REXO2: variants seen among roughly 807,000 people sequenced by gnomAD.
REXO2 encodes the protein RNA exonuclease 2.
Under a neutral mutation model 30.9 loss-of-function variants are expected in REXO2, and 17 were observed. The observed-to-expected ratio is 0.55, with a 90% confidence interval of 0.38 to 0.82. The LOEUF (loss-of-function observed/expected upper bound fraction) is 0.82, where lower values mean the gene tolerates loss of function less well. Ranked by LOEUF, REXO2 falls within the 40% of genes least tolerant of loss-of-function variation. REXO2 has a pLI of 0.00. For synonymous variants in REXO2, 105 were observed against 99.6 expected (o/e 1.05, Z -0.32); for missense variants, 253 against 293.2 (o/e 0.86, Z 1.00).
Position 114,449,809 on chromosome 11 carries a change from T to TAA in REXO2, c.585-37_585-36insAA, listed in dbSNP as rs780402329. ...TTAAAATGATTTTCATCTCCTGGTTTTGGACAGTTCATTCATTGTGGTATG... is the reference window on the plus strand; with the variant it reads ...TTAAAATGATTTTCATCTCCTGGTTTAATGGACAGTTCATTCATTGTGGTATG... On this transcript the variant is annotated intron_variant, in intron 6 of 6. Transcript: ENST00000265881. 82 of 1,581,172 alleles carry TAA rather than the reference T, an allele frequency of 5.2e-5. 1 individual carries two copies. In the South Asian group the frequency reaches 9.8e-4, roughly 19 times the overall value.
chr11:114,440,819 T>C, intron 2 of REXO2, 80 bp downstream of exon 2: 1 of 1,166,470 alleles, frequency 8.6e-7, no homozygotes, highest in Non-Finnish European at 1.3e-6. Context: ...GCTTCTTTAT[T>C]TAAAAAATAA....
At chr11:114,444,797 TTC>T in intron 4 of REXO2, 145 bp downstream of exon 4, 1 of 445,126 alleles carries the variant, frequency 2.2e-6, no homozygotes, top group Non-Finnish European at 3.8e-6. Flanking sequence ...CTGTTCAAGT[TTC>T]TCTGTGTAGT....
chr11:114,442,297 G>T (rs1463416087), intron 2 of REXO2, among the ~76,000 whole-genome samples: 2 of 152,018 alleles, frequency 1.3e-5, no homozygotes, highest in Non-Finnish European at 2.9e-5. Flanking sequence ...GTGGTCCCTT[G>T]GCTTGCTAAA....
At chr11:114,442,215 A>G (rs1016138792) in intron 2 of REXO2, among the ~76,000 whole-genome samples, 3 of 151,408 alleles carry the variant, frequency 2.0e-5, no homozygotes, top group African/African-American at 7.3e-5. Flanking sequence ...TTATTCTTTT[A>G]TAAGAGTCTG....
intron 2 of REXO2, chr11:114,441,605 G>C (rs991984514): frequency 3.2e-6 from 2 of 628,806 alleles, no homozygotes; most frequent in Non-Finnish European, 5.7e-6. Flanking sequence ...AGAAACTCCA[G>C]AATAGGAACA....
At chr11:114,444,678 T>A (rs776090792) in intron 4 of REXO2, 26 bp downstream of exon 4, 6 of 1,446,284 alleles carry the variant, frequency 4.1e-6, no homozygotes, top group Non-Finnish European at 5.6e-6. Flanking sequence ...GTGTATATCT[T>A]ATAGTCTTCC....
In REXO2 at chr11:114,439,501, C is replaced by G. The variant is rs1718226807; in HGVS notation, c.-28C>G. On this transcript the variant is annotated 5_prime_UTR_variant, in exon 1 of 7. Transcript: ENST00000265881. Reference sequence around the variant, plus strand: ...GCCTGCGCCAGCGCCGGCTGCGAGACTGGGGCCGTGGCTGCTGGTCCCGGG... The same window carrying G: ...GCCTGCGCCAGCGCCGGCTGCGAGAGTGGGGCCGTGGCTGCTGGTCCCGGG... 3 of 1,600,184 alleles carry G rather than the reference C, an allele frequency of 1.9e-6. No individual in the cohort carries two copies. Among genetic ancestry groups the G allele is most frequent in the Non-Finnish European group, 2.5e-6 (3 of 1,178,318 alleles).
intron 3 of REXO2, chr11:114,444,169 A>C: frequency 1.6e-6 from 1 of 626,180 alleles, no homozygotes; most frequent in Non-Finnish European, 3.0e-6. Flanking sequence ...TCGCGAACGC[A>C]TTGTGGATTG....
At chr11:114,441,910 G>GT (rs1224700773) in intron 2 of REXO2, 6 of 583,856 alleles carry the variant, frequency 1.0e-5, no homozygotes, top group East Asian at 8.5e-5. Flanking sequence ...AGATTTGGTT[G>GT]TTTTTTTCTG....
At chr11:114,443,270 CTAATT>C (rs1946491465) in intron 2 of REXO2, among the ~76,000 whole-genome samples, 1 of 150,026 alleles carries the variant, frequency 6.7e-6, no homozygotes, top group Non-Finnish European at 1.5e-5. Context: ...CCAGGCCCAC[CTAATT>C]TTTTTTTTTT....
At chr11:114,448,436 G>A (rs1327690917) in intron 6 of REXO2, among the ~76,000 whole-genome samples, 1 of 152,118 alleles carries the variant, frequency 6.6e-6, no homozygotes, top group Non-Finnish European at 1.5e-5. Flanking sequence ...TCTAAGGGTA[G>A]CATTTATTAA....
intron 1 of REXO2, chr11:114,439,878 T>C (rs996213399): frequency 3.3e-6 from 2 of 614,506 alleles, no homozygotes; most frequent in African/African-American, 1.9e-5. Context: ...TAGGGCTTCT[T>C]TCCACAAGGG....
intron 2 of REXO2, among the ~76,000 whole-genome samples, chr11:114,442,897 A>G (rs1275463793): frequency 1.3e-5 from 2 of 152,166 alleles, no homozygotes; most frequent in Non-Finnish European, 2.9e-5. Context: ...TTTAAATATA[A>G]AAATACTGTT....
chr11:114,440,689 A>T lies in REXO2; in HGVS notation c.181A>T (p.Ile61Phe). ...TGLDIEKDQI[I>F]EMACLITDSD... ...ATTGGACATTGAGAAGGACCAGATT[A>T]TTGAGATGGCCTGTCTGATAACTGA... is the stretch of plus-strand genomic sequence containing the variant. The change falls in exon 2 of 7, where the codon ATT (isoleucine) becomes TTT (phenylalanine). Residue 61 changes from isoleucine to phenylalanine, a missense_variant. Transcript: ENST00000265881. 1 of 1,613,902 alleles carries T rather than the reference A, an allele frequency of 6.2e-7. No individual in the cohort carries two copies. Among genetic ancestry groups the T allele is most frequent in the Non-Finnish European group, 8.5e-7 (1 of 1,179,852 alleles).
chr11:114,449,786 A>G, intron 6 of REXO2, 60 bp from the exon 7 acceptor site: 1 of 1,534,728 alleles, frequency 6.5e-7, no homozygotes. Context: ...TTGTACTTTT[A>G]AAATGATTTT....
At chr11:114,442,722 A>G (rs910060665) in intron 2 of REXO2, among the ~76,000 whole-genome samples, 21 of 152,188 alleles carry the variant, frequency 1.4e-4, no homozygotes, top group Non-Finnish European at 2.2e-4. Flanking sequence ...TATTATCACT[A>G]TCTTACAGAG....
chr11:114,440,001 G>A, intron 1 of REXO2: 1 of 490,892 alleles, frequency 2.0e-6, no homozygotes, highest in East Asian at 4.3e-5. Flanking sequence ...CGGGGGCAGC[G>A]GCTCTGTTCC....
At chr11:114,448,474 C>T (rs1489567730) in intron 6 of REXO2, among the ~76,000 whole-genome samples, 1 of 152,116 alleles carries the variant, frequency 6.6e-6, no homozygotes, top group African/African-American at 2.4e-5. Context: ...TATGATGTAC[C>T]TTGCACAGTT....
chr11:114,444,768 G>T, intron 4 of REXO2, 116 bp downstream of exon 4: 1 of 513,288 alleles, frequency 1.9e-6, no homozygotes, highest in African/African-American at 2.0e-5. Flanking sequence ...CCTGCTTTGG[G>T]TTACACATCT....
Sources: allele counts gnomAD v4.1 joint callset (sites outside exome capture counted in the v4.1 genomes callset), GRCh38; gene constraint gnomAD v4.1.1; transcripts MANE v1.5; gene names NCBI Gene and HGNC (gene_info 2026-07-23, HGNC 2026-07-21).